The following IFT74 variants were observed in gnomAD, a reference collection of about 807,000 sequenced individuals.
The protein encoded by IFT74 is intraflagellar transport 74, also known as intraflagellar transport protein 74 homolog.
In IFT74, 92 loss-of-function variants were observed where a neutral mutation model predicts 96.7. The ratio of observed to expected loss-of-function variants is 0.95; its 90% CI spans 0.80 to 1.13. The LOEUF (loss-of-function observed/expected upper bound fraction) is 1.13, where lower values mean the gene tolerates loss of function less well. Among genes scored for constraint, IFT74 ranks in the 50% most tolerant of loss-of-function variants. The pLI, the probability that IFT74 is intolerant of heterozygous loss-of-function variation, is 0.00. For missense variants in IFT74, 811 were observed against 698.2 expected, an observed-to-expected ratio of 1.16 and a Z score of -1.82; for synonymous variants, 223 against 213.2, an observed-to-expected ratio of 1.05 and a Z score of -0.40.
chr9:26,974,656 AGAGTATTC>A (rs1168177891), intron 2 of IFT74, among the ~76,000 whole-genome samples: 2 of 152,150 alleles, frequency 1.3e-5, no homozygotes, highest in Non-Finnish European at 2.9e-5. Context: ...TCTGACCAGG[AGAGTATTC>A]ACGTTTCCAA....
chr9:27,017,422 G>A (rs1365337225), intron 11 of IFT74, among the ~76,000 whole-genome samples: 1 of 151,920 alleles, frequency 6.6e-6, no homozygotes, highest in East Asian at 1.9e-4. Flanking sequence ...GGGTTTTACT[G>A]TGTTGCCTGG....
upstream of IFT74, among the ~76,000 whole-genome samples, chr9:26,955,241 C>CT (rs1826042784): frequency 6.6e-6 from 1 of 152,174 alleles, no homozygotes; most frequent in East Asian, 1.9e-4. Flanking sequence ...AATAAAGCCT[C>CT]TGAGTACCTA....
chr9:27,018,768 A>G, intron 12 of IFT74, 81 bp downstream of exon 12: 2 of 760,634 alleles, frequency 2.6e-6, no homozygotes, highest in Middle Eastern at 2.5e-4. Context: ...AGTGGCTTTC[A>G]TTCTTTCAAT....
intron 1 of IFT74, among the ~76,000 whole-genome samples, chr9:26,959,311 G>A (rs566495094): frequency 4.6e-5 from 7 of 151,988 alleles, no homozygotes; most frequent in African/African-American, 7.3e-5. Context: ...GGGTTTCACC[G>A]TGTTAGCCAG....
At chr9:26,983,396 C>T (rs1827474031) in intron 4 of IFT74, among the ~76,000 whole-genome samples, 1 of 152,188 alleles carries the variant, frequency 6.6e-6, no homozygotes, top group Admixed American at 6.5e-5. Flanking sequence ...CAGTGGTTCT[C>T]AACTGGTGGT....
chr9:27,044,642 C>T (rs1819616259), intron 13 of IFT74, 100 bp from the exon 14 acceptor site: 1 of 678,406 alleles, frequency 1.5e-6, no homozygotes, highest in East Asian at 2.7e-5. Context: ...GTCGAATAGT[C>T]AATGACTAAT....
intron 2 of IFT74, among the ~76,000 whole-genome samples, chr9:26,968,521 A>G (rs1826735531): frequency 6.6e-6 from 1 of 152,056 alleles, no homozygotes; most frequent in East Asian, 1.9e-4. Flanking sequence ...CAGCCTCCCA[A>G]AGTGTTGGGA....
At chr9:26,997,916 A>G in intron 8 of IFT74, 1 of 1,614,076 alleles carries the variant, frequency 6.2e-7, no homozygotes, top group African/African-American at 1.3e-5. Flanking sequence ...ATCAGCATTC[A>G]GTTGTTCTAT....
chr9:26,982,216 A>AAAAC (rs1563948635), intron 4 of IFT74: 4 of 294,032 alleles, frequency 1.4e-5, no homozygotes, highest in Admixed American at 9.5e-5. Context: ...ATAAGTATGT[A>AAAAC]TTTGGTCAGT....
At chr9:27,035,109 A>G (rs1198002914) in intron 13 of IFT74, among the ~76,000 whole-genome samples, 3 of 152,246 alleles carry the variant, frequency 2.0e-5, no homozygotes, top group African/African-American at 7.2e-5. Flanking sequence ...AAACACATTC[A>G]TAATAGCAGT....
chr9:27,000,835 T>C (rs1190423152), intron 8 of IFT74, among the ~76,000 whole-genome samples: 1 of 152,070 alleles, frequency 6.6e-6, no homozygotes, highest in East Asian at 1.9e-4. Context: ...AACTTAAAAA[T>C]AAAAGTTGAA....
At chr9:27,002,520 T>C (rs1774612166) in intron 8 of IFT74, among the ~76,000 whole-genome samples, 1 of 152,250 alleles carries the variant, frequency 6.6e-6, no homozygotes, top group Admixed American at 6.5e-5. Context: ...TTATGCAGTT[T>C]TTCTAGCACC....
intron 13 of IFT74, among the ~76,000 whole-genome samples, chr9:27,043,935 A>G (rs1819585207): frequency 6.6e-6 from 1 of 152,074 alleles, no homozygotes; most frequent in South Asian, 2.1e-4. Context: ...TATTCTCCAG[A>G]CTGGAAATAT....
In IFT74 at chr9:27,025,936, A is replaced by C. The variant is rs1371792920; in HGVS notation, c.975-3089A>C. Among the ~76,000 whole-genome samples the C allele has an allele frequency of 2.0e-5, 3 of 152,324 alleles. No individual in the cohort carries two copies. The East Asian group carries it at 5.8e-4, about 29-fold the overall frequency. The stretch of plus-strand genomic sequence containing the variant: ...AACAACACAATGGAAATGAAAAACT[A>C]AGGTATTCAGGCAATAACTAGCACA... On this transcript the variant is annotated intron_variant, in intron 12 of 19. Coordinates refer to ENST00000380062, the MANE Select transcript of IFT74 (RefSeq NM_025103.4).
upstream of IFT74, among the ~76,000 whole-genome samples, chr9:26,952,422 G>A (rs948302283): frequency 4.0e-5 from 6 of 151,776 alleles, no homozygotes; most frequent in South Asian, 2.1e-4. Context: ...GATTACAGGC[G>A]TCTGTCACCA....
intron 6 of IFT74, among the ~76,000 whole-genome samples, chr9:26,986,038 T>G (rs1827617507): frequency 6.6e-6 from 1 of 152,182 alleles, no homozygotes; most frequent in Admixed American, 6.5e-5. Context: ...AAATTTCTAG[T>G]GTCAGAATTT....
At chr9:26,969,294 C>T (rs999928934) in intron 2 of IFT74, among the ~76,000 whole-genome samples, 1 of 151,808 alleles carries the variant, frequency 6.6e-6, no homozygotes, top group Non-Finnish European at 1.5e-5. Context: ...TGTTGTATCT[C>T]TTGCTTAATT....
chr9:26,961,601 A>C (rs12351099), intron 1 of IFT74, among the ~76,000 whole-genome samples: 1 of 152,310 alleles, frequency 6.6e-6, no homozygotes, highest in South Asian at 2.1e-4. Flanking sequence ...AGAGTTAATC[A>C]TGGACCAGAA....
chr9:26,971,412 G>T (rs1826871086), intron 2 of IFT74, among the ~76,000 whole-genome samples: 1 of 152,084 alleles, frequency 6.6e-6, no homozygotes, highest in South Asian at 2.1e-4. Context: ...TCTCCAGTGG[G>T]CTCCTTGATG....
Sources: allele counts gnomAD v4.1 joint callset (sites outside exome capture counted in the v4.1 genomes callset), GRCh38; gene constraint gnomAD v4.1.1; transcripts MANE v1.5; gene names NCBI Gene and HGNC (gene_info 2026-07-23, HGNC 2026-07-21).